Variants in CELF1 observed in about 807,000 individuals in gnomAD.
The protein encoded by CELF1 is CUGBP Elav-like family member 1, also known as 50 kDa nuclear polyadenylated RNA-binding protein.
In CELF1, 10 loss-of-function variants were observed where a neutral mutation model predicts 61.8. The observed-to-expected ratio is 0.16, with a 90% CI of 0.10 to 0.27. The LOEUF is 0.27. Ranked by LOEUF, CELF1 falls within the 10% of genes least tolerant of loss-of-function variation. CELF1 has a pLI of 1.00. For synonymous variants in CELF1, 236 were observed against 225.1 expected (o/e 1.05, Z -0.43); for missense variants, 380 against 639.1 (o/e 0.59, Z 4.37).
At chr11:47,535,691 A>T (rs575617933) in intron 1 of CELF1, among the ~76,000 whole-genome samples, 21 of 151,390 alleles carry the variant, frequency 1.4e-4, no homozygotes, top group Middle Eastern at 3.4e-3. Flanking sequence ...AAAAAAAAAA[A>T]AAAATAAATC....
intron 1 of CELF1, among the ~76,000 whole-genome samples, chr11:47,532,306 G>T (rs945444241): frequency 6.6e-6 from 1 of 152,186 alleles, no homozygotes; most frequent in East Asian, 1.9e-4. Context: ...GATTACAGGC[G>T]TGAGCCACCA....
rs2077010559 is a variant in CELF1, at chr11:47,468,275, G to GTGCTCTCCGC, written c.*3954_*3955insGCGGAGAGCA. ...CAAAGTGCAGCCTGCGGTCAAAAAG[G>GTGCTCTCCGC]AAAGGGGGTTCAGGTGCTCTCCGCA... On this transcript the variant is annotated 3_prime_UTR_variant, in exon 15 of 15. Coordinates refer to ENST00000687097, the MANE Select transcript of CELF1 (RefSeq NM_001376376.1). 6.6e-6 allele frequency: 1 copy of GTGCTCTCCGC among 152,264 alleles called. No homozygotes were observed. Among genetic ancestry groups the GTGCTCTCCGC allele is most frequent in the African/African-American group, 2.4e-5 (1 of 41,438 alleles). The allele number at this position is 152,264 out of a possible 1,614,324, so 9.4% of individuals were successfully genotyped here.
chr11:47,515,598 C>T (rs1045703673), intron 1 of CELF1, among the ~76,000 whole-genome samples: 2 of 152,154 alleles, frequency 1.3e-5, no homozygotes, highest in African/African-American at 4.8e-5. Flanking sequence ...TAATTTTTTT[C>T]TCAAGCCCTG....
intron 1 of CELF1, among the ~76,000 whole-genome samples, chr11:47,546,967 T>C (rs556112122): frequency 7.0e-6 from 1 of 143,742 alleles, no homozygotes; most frequent in East Asian, 2.2e-4. Context: ...TTTGGGAGGC[T>C]GAGGCAGGAG....
At chr11:47,550,792 C>T (rs1227704070) in intron 1 of CELF1, among the ~76,000 whole-genome samples, 2 of 152,040 alleles carry the variant, frequency 1.3e-5, no homozygotes, top group Admixed American at 1.3e-4. Flanking sequence ...CTGCCTATTA[C>T]ATCATGGGTA....
At chr11:47,543,222 A>T (rs1269446585) in intron 1 of CELF1, among the ~76,000 whole-genome samples, 1 of 152,134 alleles carries the variant, frequency 6.6e-6, no homozygotes, top group Non-Finnish European at 1.5e-5. Context: ...TGGGAAACAT[A>T]GTGGGACCCC....
At position 47,472,093 on chromosome 11, in the gene CELF1, C is replaced by A. The variant is rs2077871036; in HGVS notation, c.*137G>T. ...GAAGGCAGTAGCCGAGTCTTCAGGG[C>A]AAGCTGTGCCTGCGAGAGTGGCAGG... On this transcript the variant is annotated 3_prime_UTR_variant, in exon 15 of 15. Transcript: ENST00000687097. The A allele has an allele frequency of 5.0e-6, 5 of 993,608 alleles. No individual in the cohort carries two copies. The highest frequency in any genetic ancestry group is 7.5e-6 in the Non-Finnish European group (5 of 669,088). The allele number at this position is 993,608 out of a possible 1,614,324, so 61.5% of individuals were successfully genotyped here.
At chr11:47,478,401 T>C (rs1489367925) in intron 10 of CELF1, among the ~76,000 whole-genome samples, 1 of 152,142 alleles carries the variant, frequency 6.6e-6, no homozygotes, top group Non-Finnish European at 1.5e-5. Flanking sequence ...TGTACGATAA[T>C]AGCAACAACA....
intron 1 of CELF1, among the ~76,000 whole-genome samples, chr11:47,533,796 C>T (rs1368796887): frequency 3.2e-5 from 3 of 94,306 alleles, no homozygotes; most frequent in East Asian, 3.0e-4. Flanking sequence ...GGCAATAGAG[C>T]GAGACTCTCC....
At chr11:47,503,066 A>G (rs2094121738) in intron 1 of CELF1, among the ~76,000 whole-genome samples, 1 of 152,172 alleles carries the variant, frequency 6.6e-6, no homozygotes, top group Non-Finnish European at 1.5e-5. Context: ...TCTACTTTTT[A>G]AAAGAGCAAC....
chr11:47,476,721 T>C (rs999544384), intron 12 of CELF1, 125 bp downstream of exon 12: 8 of 741,412 alleles, frequency 1.1e-5, no homozygotes, highest in Middle Eastern at 3.8e-4. Flanking sequence ...CCACCACACC[T>C]GGCCCTCATG....
At chr11:47,477,161 A>G (rs112913106) in intron 11 of CELF1, 136 bp downstream of exon 11, 10 of 1,028,940 alleles carry the variant, frequency 9.7e-6, no homozygotes, top group African/African-American at 9.6e-5. Context: ...AAAAGATGAC[A>G]TTTGAAAATT....
At chr11:47,494,571 C>T (rs2092690153) in intron 3 of CELF1, 2 of 849,706 alleles carry the variant, frequency 2.4e-6, no homozygotes. Flanking sequence ...CCTTTCTTTT[C>T]CCCTCTCAAA....
upstream of CELF1, among the ~76,000 whole-genome samples, chr11:47,554,025 A>G (rs1030319852): frequency 1.3e-5 from 2 of 152,048 alleles, no homozygotes; most frequent in African/African-American, 4.8e-5. Context: ...TTTTGGCCCC[A>G]TCAACATGCA....
chr11:47,525,842 G>C (rs1433160787), intron 1 of CELF1, among the ~76,000 whole-genome samples: 1 of 152,054 alleles, frequency 6.6e-6, no homozygotes, highest in Admixed American at 6.6e-5. Flanking sequence ...CACTTTGGTA[G>C]GCCAAGGTGG....
upstream of CELF1, chr11:47,553,214 C>T (rs2097187435): frequency 5.2e-6 from 2 of 388,322 alleles, no homozygotes; most frequent in African/African-American, 4.2e-5. Context: ...GGGAACGTAT[C>T]ACCGCGGCGC....
chr11:47,469,171 G>A lies in CELF1; in HGVS notation c.*3059C>T, dbSNP rs1450548870. On this transcript the variant is annotated 3_prime_UTR_variant, in exon 15 of 15. Coordinates refer to ENST00000687097, the MANE Select transcript of CELF1 (RefSeq NM_001376376.1). ...TTTCCATGAAGCACCCAACTCCTAA[G>A]AGAAGGTCTCCAGGGGAGCAGAGCC... 3.3e-5 allele frequency: 5 copies of A among 152,354 alleles called. No homozygotes were observed. The East Asian group carries it at 9.6e-4, about 29-fold the overall frequency. The allele number at this position is 152,354 out of a possible 1,614,324, so 9.4% of individuals were successfully genotyped here. A position where few individuals can be genotyped will look rare whatever the true frequency, so the allele number is the denominator to read the frequency against.
chr11:47,481,688 G>C (rs908097561), intron 9 of CELF1, among the ~76,000 whole-genome samples: 7 of 152,080 alleles, frequency 4.6e-5, no homozygotes, highest in South Asian at 2.1e-4. Context: ...GGTTTTAACT[G>C]TCTTGTGCTG....
At chr11:47,546,428 G>A (rs1005261602) in intron 1 of CELF1, among the ~76,000 whole-genome samples, 16 of 151,750 alleles carry the variant, frequency 1.1e-4, no homozygotes, top group Admixed American at 7.9e-4. Flanking sequence ...CACCACACCT[G>A]GCTAATTGTG....
Sources: allele counts gnomAD v4.1 joint callset (sites outside exome capture counted in the v4.1 genomes callset), GRCh38; gene constraint gnomAD v4.1.1; transcripts MANE v1.5; gene names NCBI Gene and HGNC (gene_info 2026-07-23, HGNC 2026-07-21).